CECR2: variants seen among roughly 807,000 people sequenced by gnomAD.
The protein encoded by CECR2 is CECR2 histone acetyl-lysine reader.
A neutral mutation model predicts 154.5 loss-of-function variants in CECR2; 30 were observed. That is an observed-to-expected ratio of 0.19 (90% CI 0.15 to 0.26). The LOEUF is 0.26. CECR2 is among the 10% of genes least tolerant of loss of function. The probability of loss-of-function intolerance (pLI) is 1.00; values close to 1 mark genes in which losing one functional copy is unlikely to be tolerated. For missense variants in CECR2, 1,743 were observed against 1,829.3 expected, an observed-to-expected ratio of 0.95 and a Z score of 0.86; for synonymous variants, 725 against 683.7, an observed-to-expected ratio of 1.06 and a Z score of -0.94.
chr22:17,486,939 C>T (rs1488007160), intron 2 of CECR2, among the ~76,000 whole-genome samples: 1 of 152,100 alleles, frequency 6.6e-6, no homozygotes, highest in Non-Finnish European at 1.5e-5. Flanking sequence ...GGCCTGGGAA[C>T]CTGCATGCTG....
At chr22:17,543,072 C>A in intron 16 of CECR2, 69 bp downstream of exon 16, 1 of 1,457,046 alleles carries the variant, frequency 6.9e-7, no homozygotes, top group East Asian at 2.3e-5. Context: ...CACAGCATAT[C>A]AAACCAAGTG....
chr22:17,538,011 T>C (rs555689036), intron 10 of CECR2, among the ~76,000 whole-genome samples: 3 of 148,068 alleles, frequency 2.0e-5, no homozygotes, highest in African/African-American at 7.4e-5. Flanking sequence ...AAAAAAAAGA[T>C]TGTGCTATAA....
intron 8 of CECR2, among the ~76,000 whole-genome samples, chr22:17,522,450 A>G (rs1163451528): frequency 1.3e-5 from 2 of 152,158 alleles, no homozygotes; most frequent in Non-Finnish European, 2.9e-5. Context: ...AGTCTTCGGG[A>G]CAGTCGTCCT....
chr22:17,530,412 G>A (rs769268128), intron 9 of CECR2, among the ~76,000 whole-genome samples: 2 of 151,908 alleles, frequency 1.3e-5, no homozygotes, highest in Admixed American at 6.6e-5. Flanking sequence ...GGTGGCTCAC[G>A]CCTGTAATCC....
rs1342460122 is a variant in CECR2 at position 17,552,843 on chromosome 22, C to T, written c.*3C>T. 6.9e-7 allele frequency: 1 copy of T among 1,452,986 alleles called. No individual in the cohort carries two copies. Among genetic ancestry groups the T allele is most frequent in the Admixed American group, 2.2e-5 (1 of 45,380 alleles). 90.0% of individuals were successfully genotyped at this position (1,452,986 alleles called of 1,614,324 possible). Reference sequence around the variant, plus strand: ...GTCTTTGTTTCTTTCAGAGCTAGTCCAAGGAGGAAATGAGCCCCAAGCAAT... The same window carrying T: ...GTCTTTGTTTCTTTCAGAGCTAGTCTAAGGAGGAAATGAGCCCCAAGCAAT... On this transcript the variant is annotated 3_prime_UTR_variant, in exon 19 of 19. Coordinates refer to ENST00000262608, the MANE Select transcript of CECR2 (RefSeq NM_001290047.2).
At chr22:17,473,729 T>G (rs971074080) in intron 1 of CECR2, among the ~76,000 whole-genome samples, 1 of 152,236 alleles carries the variant, frequency 6.6e-6, no homozygotes, top group Non-Finnish European at 1.5e-5. Flanking sequence ...TTTATTGTAG[T>G]AAACACATTT....
intron 8 of CECR2, chr22:17,518,649 G>A (rs1321662627): frequency 4.5e-6 from 2 of 441,168 alleles, no homozygotes; most frequent in East Asian, 1.5e-4. Flanking sequence ...CACACAGATT[G>A]AATTTGCTGA....
rs2054607014 is a variant in CECR2, at chr22:17,442,965, T to C, written c.127-34623T>C. ...TTGCATTTGCAGTTGTTTTATTTTTTAAACTTTATCTTGGAAGAAAACCCT... is the reference window on the plus strand; with the variant it reads ...TTGCATTTGCAGTTGTTTTATTTTTCAAACTTTATCTTGGAAGAAAACCCT... On this transcript the variant is annotated intron_variant, in intron 1 of 18. Coordinates refer to ENST00000262608, the MANE Select transcript of CECR2 (RefSeq NM_001290047.2). Among the ~76,000 whole-genome samples, 3 of 152,242 alleles carry C rather than the reference T, an allele frequency of 2.0e-5. No individual in the cohort carries two copies. In the East Asian group the frequency reaches 5.8e-4, roughly 29 times the overall value.
chr22:17,492,420 C>A (rs1312109509), intron 2 of CECR2, among the ~76,000 whole-genome samples: 4 of 152,154 alleles, frequency 2.6e-5, no homozygotes, highest in African/African-American at 9.7e-5. Context: ...TGTGCTGGAA[C>A]ACTTGAATCA....
rs762936835 is a variant in CECR2 at position 17,497,479 on chromosome 22, C to T, written c.298C>T (p.Leu100=). The T allele has an allele frequency of 1.2e-6, 2 of 1,614,012 alleles. No homozygotes were observed. The highest frequency in any genetic ancestry group is 1.1e-5 in the South Asian group (1 of 91,076). Residue 100 remains leucine (L), a synonymous_variant, in exon 3 of 19, where the codon CTG becomes TTG. Coordinates refer to ENST00000262608, the MANE Select transcript of CECR2 (RefSeq NM_001290047.2). ...WELEEGKPNP[L]REASFQDLPL... ...GCTCGAAGAAGGGAAGCCCAACCCT[C>T]TGAGGGAAGCCAGTTTCCAGGACCT...
At chr22:17,450,482 G>A (rs564398588) in intron 1 of CECR2, among the ~76,000 whole-genome samples, 1 of 152,212 alleles carries the variant, frequency 6.6e-6, no homozygotes, top group African/African-American at 2.4e-5. Flanking sequence ...TATTGGCCAG[G>A]CTGGTTTCAA....
chr22:17,419,981 G>T (rs1372339492), intron 1 of CECR2, among the ~76,000 whole-genome samples: 1 of 152,210 alleles, frequency 6.6e-6, no homozygotes, highest in Non-Finnish European at 1.5e-5. Flanking sequence ...TGCTGCTGTT[G>T]CTCTGTGAGT....
At chr22:17,535,311 C>A (rs1417963213) in intron 9 of CECR2, among the ~76,000 whole-genome samples, 1 of 151,298 alleles carries the variant, frequency 6.6e-6, no homozygotes, top group Non-Finnish European at 1.5e-5. Flanking sequence ...GAGTGAGACT[C>A]CATCTCAAAA....
rs529455193 is a variant in CECR2, at chr22:17,499,987, G to A, written c.545+438G>A. On this transcript the variant is annotated intron_variant, in intron 4 of 18. Transcript: ENST00000262608. ...AGCACTCTGGGAGGCCGAGGCGGGCGGATCACGAGGTCAGGAGATCGAGAC... is the reference window on the plus strand; with the variant it reads ...AGCACTCTGGGAGGCCGAGGCGGGCAGATCACGAGGTCAGGAGATCGAGAC... Among the ~76,000 whole-genome samples the A allele has an allele frequency of 1.5e-4, 23 of 152,242 alleles. No homozygotes were observed. The South Asian group carries it at 1.7e-3, about 11-fold the overall frequency.
At chr22:17,507,359 A>G (rs2055866284) in intron 7 of CECR2, among the ~76,000 whole-genome samples, 1 of 152,234 alleles carries the variant, frequency 6.6e-6, no homozygotes, top group African/African-American at 2.4e-5. Flanking sequence ...TTTTGTGATC[A>G]GCAATTCACT....
At chr22:17,377,370 G>A (rs2146456758) in intron 1 of CECR2, among the ~76,000 whole-genome samples, 1 of 151,752 alleles carries the variant, frequency 6.6e-6, no homozygotes, top group South Asian at 2.1e-4. Flanking sequence ...AAGATTTTGT[G>A]CTTTGAGATT....
intron 1 of CECR2, among the ~76,000 whole-genome samples, chr22:17,381,710 A>T (rs997224473): frequency 6.6e-6 from 1 of 152,100 alleles, no homozygotes; most frequent in African/African-American, 2.4e-5. Flanking sequence ...GCAGGGCAGC[A>T]GTGGTATTGT....
rs149221949 is a variant in CECR2, at chr22:17,489,508, T to G, written c.222-7895T>G. On this transcript the variant is annotated intron_variant, in intron 2 of 18. Coordinates refer to ENST00000262608, the MANE Select transcript of CECR2 (RefSeq NM_001290047.2). Reference sequence around the variant, plus strand: ...TCCCACTCTGTTACCCAGGCTGGAGTGCAGTGCTGTGATCATAGCCCACTG... The same window carrying G: ...TCCCACTCTGTTACCCAGGCTGGAGGGCAGTGCTGTGATCATAGCCCACTG... 2.6e-3 allele frequency among the ~76,000 whole-genome samples: 400 copies of G among 152,328 alleles called. 4 individuals are homozygous for G. The highest frequency in any genetic ancestry group is 9.2e-3 in the African/African-American group (381 of 41,568).
intron 2 of CECR2, among the ~76,000 whole-genome samples, chr22:17,494,959 C>T (rs529292648): frequency 3.3e-5 from 5 of 152,198 alleles, no homozygotes; most frequent in African/African-American, 1.2e-4. Context: ...TCCCACAGTG[C>T]TGGGATTACA....
Sources: allele counts gnomAD v4.1 joint callset (sites outside exome capture counted in the v4.1 genomes callset), GRCh38; gene constraint gnomAD v4.1.1; transcripts MANE v1.5; gene names NCBI Gene and HGNC (gene_info 2026-07-23, HGNC 2026-07-21).